The following PLRG1 variants were observed in gnomAD, a reference collection of about 807,000 sequenced individuals.
The protein encoded by PLRG1 is pleiotropic regulator 1 (PRL1 homolog, Arabidopsis).
In PLRG1, 28 loss-of-function variants were observed where a neutral mutation model predicts 74.9. The observed-to-expected ratio is 0.37, with a 90% CI of 0.28 to 0.51. The LOEUF is 0.51. Ranked by LOEUF, PLRG1 falls within the 20% of genes least tolerant of loss-of-function variation. The probability of loss-of-function intolerance (pLI) is 0.91; values close to 1 mark genes in which losing one functional copy is unlikely to be tolerated. For synonymous variants in PLRG1, 197 were observed against 212.4 expected, an observed-to-expected ratio of 0.93 and a Z score of 0.63; for missense variants, 445 against 631.9, an observed-to-expected ratio of 0.70 and a Z score of 3.17.
chr4:154,540,744 T>C, intron 9 of PLRG1, 41 bp downstream of exon 9: 2 of 1,607,682 alleles, frequency 1.2e-6, no homozygotes, highest in African/African-American at 1.3e-5. Flanking sequence ...GAAAGATAAA[T>C]AGTAGTTCAC....
intron 1 of PLRG1, chr4:154,549,188 C>A: frequency 2.2e-6 from 1 of 457,544 alleles, no homozygotes; most frequent in South Asian, 1.8e-5. Flanking sequence ...TGAGCTCCTA[C>A]TGTGTGTCTG....
chr4:154,538,882 A>G (rs1195063586), intron 12 of PLRG1: 1 of 467,210 alleles, frequency 2.1e-6, no homozygotes, highest in Non-Finnish European at 3.8e-6. Context: ...CTCATTTGAC[A>G]TTATTTATTT....
intron 11 of PLRG1, 75 bp from the exon 12 acceptor site, chr4:154,539,288 C>A: frequency 2.2e-6 from 2 of 912,768 alleles, no homozygotes; most frequent in Non-Finnish European, 3.6e-6. Flanking sequence ...AAATACAAAG[C>A]ATTCTTCCAA....
At chr4:154,546,671 G>T in intron 4 of PLRG1, 1 of 350,440 alleles carries the variant, frequency 2.9e-6, no homozygotes. Context: ...ACAGACAGAG[G>T]ACATGTTTCT....
rs563709031 is a variant in PLRG1, at chr4:154,544,427, A to G, written c.594+18T>C. 1.3e-5 allele frequency: 17 copies of G among 1,321,604 alleles called. No individual in the cohort carries two copies. The East Asian group carries it at 3.9e-4, about 30-fold the overall frequency. 81.9% of individuals were successfully genotyped at this position (1,321,604 alleles called of 1,614,324 possible). On this transcript the variant is annotated intron_variant, in intron 7 of 14. Transcript: ENST00000499023. ...GCAATCATGGTTCACATAATAAAAT[A>G]AATGCAGAGTCACTCACCCTGTAGA...
chr4:154,544,066 C>T (rs77119902), intron 7 of PLRG1: 2,100 of 172,688 alleles, frequency 0.012, 46 homozygotes, highest in African/African-American at 0.047. Context: ...AGATGATACA[C>T]TCTGAATCAT....
intron 4 of PLRG1, 38 bp from the exon 5 acceptor site, chr4:154,546,251 G>C: frequency 9.4e-7 from 1 of 1,062,362 alleles, no homozygotes; most frequent in South Asian, 1.3e-5. Context: ...TAGTAGCTGT[G>C]TATTATTCAT....
At chr4:154,547,448 T>G in intron 3 of PLRG1, 1 of 516,366 alleles carries the variant, frequency 1.9e-6, no homozygotes, top group South Asian at 2.5e-5. Flanking sequence ...ATTCTCCAAT[T>G]TTTTCCTTTA....
chr4:154,538,976 C>T (rs368663238), intron 12 of PLRG1, 129 bp downstream of exon 12: 1 of 639,220 alleles, frequency 1.6e-6, no homozygotes. Flanking sequence ...ACACACGTTC[C>T]TATGCGGCAC....
chr4:154,541,157 C>G (rs1185261447), intron 8 of PLRG1, among the ~76,000 whole-genome samples: 1 of 152,038 alleles, frequency 6.6e-6, no homozygotes, highest in East Asian at 1.9e-4. Flanking sequence ...AAAAGGTTAA[C>G]CTTCTTGTTA....
chr4:154,543,792 T>C (rs1317277345), intron 7 of PLRG1: 1 of 152,260 alleles, frequency 6.6e-6, no homozygotes, highest in Non-Finnish European at 1.5e-5. Context: ...AGATACATAT[T>C]AAATTATGTG....
chr4:154,538,685 T>G (rs1729499904), intron 12 of PLRG1, among the ~76,000 whole-genome samples: 1 of 152,124 alleles, frequency 6.6e-6, no homozygotes, highest in Non-Finnish European at 1.5e-5. Context: ...TCCACCTTTT[T>G]GGATACTCTG....
intron 4 of PLRG1, 122 bp downstream of exon 4, chr4:154,546,889 T>C (rs1168857157): frequency 2.3e-5 from 18 of 769,352 alleles, no homozygotes; most frequent in African/African-American, 1.7e-5. Context: ...AAGCTATGCA[T>C]GGATGCTTGG....
In PLRG1 at chr4:154,540,122, C is replaced by T. The variant is rs1729528891; in HGVS notation, c.940-69G>A. On this transcript the variant is annotated intron_variant, in intron 10 of 14. Transcript: ENST00000499023. ...CATTATCTCAAGAAGATAACTGGAT[C>T]AATTCAAGGCTGAAAATTTACTACA... 2.3e-5 allele frequency: 19 copies of T among 840,700 alleles called. No individual in the cohort carries two copies. In the South Asian group the frequency reaches 2.6e-4, roughly 12 times the overall value. 52.1% of individuals were successfully genotyped at this position (840,700 alleles called of 1,614,324 possible). A position where few individuals can be genotyped will look rare whatever the true frequency, so the allele number is the denominator to read the frequency against.
At position 154,548,822 on chromosome 4, in the gene PLRG1, C is replaced by A. The variant is rs1363919306; in HGVS notation, c.116+7G>T. The A allele has an allele frequency of 4.1e-6, 6 of 1,471,886 alleles. No homozygotes were observed. The highest frequency in any genetic ancestry group is 5.7e-6 in the Non-Finnish European group (6 of 1,056,550). The allele number at this position is 1,471,886 out of a possible 1,614,324, so 91.2% of individuals were successfully genotyped here. On this transcript the variant is annotated splice_region_variant and intron_variant, in intron 2 of 14. Transcript: ENST00000499023. The stretch of plus-strand genomic sequence containing the variant: ...TTTAGCAATTGAAAAAAAAAAACTA[C>A]ACCAACCTCTCTTCATCTAAAGGCA...
intron 10 of PLRG1, 81 bp from the exon 11 acceptor site, chr4:154,540,134 G>A (rs1396760536): frequency 1.3e-5 from 10 of 779,476 alleles, no homozygotes; most frequent in Non-Finnish European, 2.0e-5. Context: ...ATTCAAGGCT[G>A]AAAATTTACT....
At chr4:154,539,330 C>T in intron 11 of PLRG1, 117 bp from the exon 12 acceptor site, 1 of 655,076 alleles carries the variant, frequency 1.5e-6, no homozygotes, top group Non-Finnish European at 2.7e-6. Flanking sequence ...AGTCATATCA[C>T]ACGCAAATTA....
chr4:154,545,515 T>TA lies in PLRG1; in HGVS notation c.492+320dup, dbSNP rs199705573. Among the ~76,000 whole-genome samples, 124 of 146,572 alleles carry TA rather than the reference T, an allele frequency of 8.5e-4. 1 individual carries two copies. Among genetic ancestry groups the TA allele is most frequent in the Middle Eastern group, 3.5e-3 (1 of 286 alleles). ...CTGTACACACCAACTTAAAATTTAA[T>TA]AAAAAAAAAAAGACTTTCATATTCA... On this transcript the variant is annotated intron_variant, in intron 6 of 14. Coordinates refer to ENST00000499023, the MANE Select transcript of PLRG1 (RefSeq NM_002669.4).
chr4:154,547,874 T>G (rs912627416), intron 2 of PLRG1, 21 bp from the exon 3 acceptor site: 4 of 1,568,274 alleles, frequency 2.6e-6, no homozygotes, highest in Non-Finnish European at 3.5e-6. Flanking sequence ...ATTATAAACA[T>G]AAGAACGTAT....
Sources: allele counts gnomAD v4.1 joint callset (sites outside exome capture counted in the v4.1 genomes callset), GRCh38; gene constraint gnomAD v4.1.1; transcripts MANE v1.5; gene names NCBI Gene and HGNC (gene_info 2026-07-23, HGNC 2026-07-21).